Variants in AKAP13 observed in about 807,000 individuals in gnomAD.
AKAP13 encodes A-kinase anchoring protein 13.
In AKAP13, 80 loss-of-function variants were observed where a neutral mutation model predicts 264.5. That is an observed-to-expected ratio of 0.30 (90% CI 0.25 to 0.36). The LOEUF is 0.36. Among genes scored for constraint, AKAP13 ranks in the 10% least tolerant of loss-of-function variants. The pLI is 1.00. For missense variants in AKAP13, 3,712 were observed against 3,435.2 expected, an observed-to-expected ratio of 1.08 and a Z score of -2.01; for synonymous variants, 1,380 against 1,250.2, an observed-to-expected ratio of 1.10 and a Z score of -2.19.
intron 9 of AKAP13, among the ~76,000 whole-genome samples, chr15:85,640,513 A>G (rs2082260957): frequency 6.6e-6 from 1 of 152,198 alleles, no homozygotes; most frequent in African/African-American, 2.4e-5. Flanking sequence ...GAAATATTGA[A>G]AACAAATATG....
At chr15:85,547,550 T>G (rs2077798844) in intron 5 of AKAP13, among the ~76,000 whole-genome samples, 1 of 152,194 alleles carries the variant, frequency 6.6e-6, no homozygotes, top group Admixed American at 6.5e-5. Context: ...CAGGACATTT[T>G]TTTTACAGTT....
At chr15:85,662,272 G>T in intron 12 of AKAP13, 1 of 968,790 alleles carries the variant, frequency 1.0e-6, no homozygotes, top group Non-Finnish European at 1.6e-6. Context: ...ATTTTTTGTT[G>T]ATCGCATAAA....
rs1379132048 is a variant in AKAP13 at position 85,724,328 on chromosome 15, G to C, written c.6745+1008G>C. ...ATCAAAATGAAGAGCCTTGGAAAGAGATACCTGCTCTACAGTGTGGTGAGT... is the reference window on the plus strand; with the variant it reads ...ATCAAAATGAAGAGCCTTGGAAAGACATACCTGCTCTACAGTGTGGTGAGT... On this transcript the variant is annotated intron_variant, in intron 26 of 36. Coordinates refer to ENST00000394518, the MANE Select transcript of AKAP13 (RefSeq NM_007200.5). The surrounding 1 kb of genome is among the most constrained non-coding windows in gnomAD (Gnocchi z 4.2). Among the ~76,000 whole-genome samples, 1 of 152,212 alleles carries C rather than the reference G, an allele frequency of 6.6e-6. No individual in the cohort carries two copies. The highest frequency in any genetic ancestry group is 1.9e-4 in the East Asian group (1 of 5,194).
intron 20 of AKAP13, 89 bp downstream of exon 20, chr15:85,716,012 T>G: frequency 6.6e-7 from 1 of 1,509,134 alleles, no homozygotes. Context: ...CTTTTTTTTT[T>G]TTTTAAGAAA....
In AKAP13 at chr15:85,580,041, A is replaced by G. The variant is rs1404007791; in HGVS notation, c.1973A>G (p.Asp658Gly). Residue 658 changes from aspartate to glycine, a missense_variant, in exon 7 of 37, where the codon GAC becomes GGC. Physicochemically the swap from Asp to Gly is moderately conservative, Grantham distance 94. Around this residue, in one of 3 missense-constraint regions of AKAP13, gnomAD observed 2,759 missense variants for 2,411.7 expected, o/e 1.14. Transcript: ENST00000394518. ...TCACCCATTTGTTCTACAACTGGAGACGATAAACTTTGTGCAGACTCTGCA... is the reference window on the plus strand; with the variant it reads ...TCACCCATTTGTTCTACAACTGGAGGCGATAAACTTTGTGCAGACTCTGCA... The part of the protein sequence containing the change: ...KSSPICSTTG[D>G]DKLCADSACQ... The G allele has an allele frequency of 1.2e-6, 2 of 1,614,072 alleles. No individual in the cohort carries two copies. The highest frequency in any genetic ancestry group is 1.3e-5 in the African/African-American group (1 of 74,934).
intron 8 of AKAP13, among the ~76,000 whole-genome samples, chr15:85,605,814 T>C (rs1478280005): frequency 6.6e-6 from 1 of 152,186 alleles, no homozygotes; most frequent in Non-Finnish European, 1.5e-5. Context: ...TTGTGTACTT[T>C]AAATATACAT....
At chr15:85,594,168 C>T (rs1231484657) in intron 8 of AKAP13, among the ~76,000 whole-genome samples, 3 of 152,084 alleles carry the variant, frequency 2.0e-5, no homozygotes, top group Non-Finnish European at 4.4e-5. Flanking sequence ...TATATCAGGC[C>T]ACAGTGGTAC....
Position 85,744,847 on chromosome 15 carries a change from C to G in AKAP13, c.*170C>G. ...ATAAGCAACAGATGATATTGAGTGT[C>G]GGGTGGGGAAGGAGGCCCAGACTCT... On this transcript the variant is annotated 3_prime_UTR_variant, in exon 37 of 37. Coordinates refer to ENST00000394518, the MANE Select transcript of AKAP13 (RefSeq NM_007200.5). The G allele has an allele frequency of 1.8e-6, 1 of 563,766 alleles. No homozygotes were observed. Among genetic ancestry groups the G allele is most frequent in the South Asian group, 2.5e-5 (1 of 40,622 alleles). The allele number at this position is 563,766 out of a possible 1,614,324, so 34.9% of individuals were successfully genotyped here.
intron 1 of AKAP13, among the ~76,000 whole-genome samples, chr15:85,405,347 A>C (rs1037990230): frequency 1.3e-5 from 2 of 152,180 alleles, no homozygotes; most frequent in African/African-American, 4.8e-5. Flanking sequence ...TCACTTTGTT[A>C]ACTTTGGTTG....
At chr15:85,726,982 C>G (rs1340652805) in intron 27 of AKAP13, 84 bp from the exon 28 acceptor site, 7 of 1,480,872 alleles carry the variant, frequency 4.7e-6, no homozygotes, top group Non-Finnish European at 5.6e-6. Flanking sequence ...TTAACAGCAT[C>G]TGGTCTTACC....
intron 1 of AKAP13, among the ~76,000 whole-genome samples, chr15:85,446,388 G>A (rs993071319): frequency 2.0e-5 from 3 of 152,184 alleles, no homozygotes; most frequent in Admixed American, 6.5e-5. Context: ...GAAGGAAATG[G>A]TTTTATGAGA....
chr15:85,427,962 A>C (rs1426132285), intron 1 of AKAP13, among the ~76,000 whole-genome samples: 1 of 152,136 alleles, frequency 6.6e-6, no homozygotes, highest in Non-Finnish European at 1.5e-5. Flanking sequence ...TTTTCAGAGG[A>C]ACATTGATGA....
intron 1 of AKAP13, among the ~76,000 whole-genome samples, chr15:85,425,776 T>G (rs1247236316): frequency 6.6e-6 from 1 of 151,608 alleles, no homozygotes; most frequent in Non-Finnish European, 1.5e-5. Flanking sequence ...TTTGCATTAC[T>G]GTGGGAGTTA....
chr15:85,493,748 G>C lies in AKAP13; in HGVS notation c.33+7995G>C, dbSNP rs113539866. On this transcript the variant is annotated intron_variant, in intron 2 of 36. Transcript: ENST00000394518. ...AGTACATGCCCCCTTTGTCTCTAGA[G>C]CTCTCCTCACTGTCAAGATACAAAG... Among the ~76,000 whole-genome samples the C allele has an allele frequency of 8.5e-5, 13 of 152,216 alleles. No homozygotes were observed. In the Middle Eastern group the frequency reaches 0.017, roughly 199 times the overall value.
chr15:85,582,216 A>G (rs1455734867), intron 7 of AKAP13, 109 bp downstream of exon 7: 4 of 1,239,962 alleles, frequency 3.2e-6, no homozygotes, highest in Admixed American at 5.7e-5. Flanking sequence ...GAGGCCTTGC[A>G]CTCATTGGGT....
At chr15:85,516,597 C>G (rs1268835371) in intron 2 of AKAP13, among the ~76,000 whole-genome samples, 1 of 152,108 alleles carries the variant, frequency 6.6e-6, no homozygotes, top group Non-Finnish European at 1.5e-5. Context: ...GTGGTGATGT[C>G]TCTTAAATGG....
chr15:85,675,930 GAGA>G (rs1264951511), intron 14 of AKAP13, among the ~76,000 whole-genome samples: 4 of 142,208 alleles, frequency 2.8e-5, no homozygotes, highest in South Asian at 4.6e-4. Context: ...TTTTTTTTTT[GAGA>G]AGGAGTCTCA....
intron 1 of AKAP13, among the ~76,000 whole-genome samples, chr15:85,415,053 T>C (rs1198772447): frequency 1.3e-5 from 2 of 152,200 alleles, no homozygotes; most frequent in Non-Finnish European, 2.9e-5. Context: ...TAAATTTTGC[T>C]CTCAGGTTTG....
intron 2 of AKAP13, among the ~76,000 whole-genome samples, chr15:85,498,087 T>C (rs532272228): frequency 3.0e-4 from 46 of 151,712 alleles, no homozygotes; most frequent in Admixed American, 1.2e-3. Flanking sequence ...AGAGGGAGAA[T>C]GGTGTAGCAT....
Sources: gnomAD v4.1 joint callset for allele counts (sites outside exome capture counted in the v4.1 genomes callset) on GRCh38, gnomAD v4.1.1 for gene constraint, gnomAD v4.1.1 regional missense constraint, Gnocchi (gnomAD v3.1) non-coding constraint, MANE v1.5 for transcripts, NCBI Gene and HGNC (gene_info 2026-07-23, HGNC 2026-07-21) for gene names.